Variants in EYS observed in about 807,000 individuals in gnomAD.
The protein encoded by EYS is protein eyes shut homolog.
A neutral mutation model predicts 282.1 loss-of-function variants in EYS; 250 were observed. The observed-to-expected ratio is 0.89, with a 90% CI of 0.80 to 0.98. The LOEUF is 0.98. Among genes scored for constraint, EYS ranks in the 50% least tolerant of loss-of-function variants. The probability of loss-of-function intolerance (pLI) is 0.00; values close to 1 mark genes in which losing one functional copy is unlikely to be tolerated. For synonymous variants in EYS, 1,355 were observed against 1,282.9 expected (o/e 1.06, Z -1.20); for missense variants, 4,016 against 3,709.0 (o/e 1.08, Z -2.15).
At chr6:65,023,798 A>G (rs60397706) in intron 13 of EYS, among the ~76,000 whole-genome samples, 1,820 of 152,334 alleles carry the variant, frequency 0.012, 39 homozygotes, top group African/African-American at 0.041. Context: ...TAAGGTAGGA[A>G]TGGCAGTAGG....
chr6:64,304,454 A>G (rs548214862), intron 30 of EYS, among the ~76,000 whole-genome samples: 3 of 152,336 alleles, frequency 2.0e-5, no homozygotes, highest in East Asian at 3.9e-4. Context: ...ACATACACAG[A>G]ACATACTACA....
intron 22 of EYS, among the ~76,000 whole-genome samples, chr6:64,633,803 T>C (rs1340299906): frequency 1.3e-5 from 2 of 152,020 alleles, no homozygotes; most frequent in South Asian, 2.1e-4. Flanking sequence ...CCTTGACCAA[T>C]AGCCACATAA....
At position 63,953,816 on chromosome 6, in the gene EYS, C is replaced by T. The variant is rs563878489; in HGVS notation, c.7055+30567G>A. On this transcript the variant is annotated intron_variant, in intron 35 of 42. Transcript: ENST00000503581. Reference sequence around the variant, plus strand: ...CAGGGCTGTGCAATCAGAATTCTTACACAAGAGCTGGGACCATGCCCTGTA... The same window carrying T: ...CAGGGCTGTGCAATCAGAATTCTTATACAAGAGCTGGGACCATGCCCTGTA... 1.2e-4 allele frequency among the ~76,000 whole-genome samples: 19 copies of T among 152,256 alleles called. No individual in the cohort carries two copies. In the South Asian group the frequency reaches 2.3e-3, roughly 18 times the overall value.
At chr6:65,587,226 C>T (rs934872150) in intron 2 of EYS, among the ~76,000 whole-genome samples, 7 of 152,042 alleles carry the variant, frequency 4.6e-5, no homozygotes, top group African/African-American at 1.4e-4. Flanking sequence ...GCTCAACTTA[C>T]TACTTACTGG....
At chr6:65,204,954 A>T (rs1315936) in intron 12 of EYS, among the ~76,000 whole-genome samples, 9 of 124,326 alleles carry the variant, frequency 7.2e-5, no homozygotes, top group Non-Finnish European at 1.0e-4. Context: ...TATATATTCT[A>T]GAAGAATATA....
intron 7 of EYS, among the ~76,000 whole-genome samples, chr6:65,386,921 G>C (rs1478819058): frequency 1.3e-5 from 2 of 151,758 alleles, no homozygotes; most frequent in Admixed American, 1.3e-4. Context: ...AATATTTAAG[G>C]TGTCATTTTA....
chr6:64,546,452 T>G lies in EYS; in HGVS notation c.5644+43771A>C, dbSNP rs543617089. Among the ~76,000 whole-genome samples, 96 of 152,272 alleles carry G rather than the reference T, an allele frequency of 6.3e-4. 1 individual carries two copies. The highest frequency in any genetic ancestry group is 6.2e-3 in the Admixed American group (95 of 15,292). On this transcript the variant is annotated intron_variant, in intron 26 of 42. Coordinates refer to ENST00000503581, the MANE Select transcript of EYS (RefSeq NM_001142800.2). ...AACCTGGGCAATACCATTCAGGACA[T>G]AGGCATGGGCAAGGACTTCATGTCT...
chr6:64,609,434 G>A (rs1167984314), intron 24 of EYS, among the ~76,000 whole-genome samples: 2 of 152,112 alleles, frequency 1.3e-5, no homozygotes, highest in African/African-American at 4.8e-5. Flanking sequence ...CTAAATAGGG[G>A]GCTACAGTAC....
chr6:64,804,736 G>A (rs1477117365), intron 22 of EYS, among the ~76,000 whole-genome samples: 1 of 152,022 alleles, frequency 6.6e-6, no homozygotes, highest in Non-Finnish European at 1.5e-5. Context: ...TCAAAGGAAA[G>A]GAATTTGAAT....
chr6:64,575,889 G>A (rs896031703), intron 26 of EYS, among the ~76,000 whole-genome samples: 3 of 152,044 alleles, frequency 2.0e-5, no homozygotes, highest in Non-Finnish European at 2.9e-5. Context: ...GTGGCACTGT[G>A]ACAGCAATTT....
chr6:64,950,235 T>C (rs1016216927), intron 14 of EYS, among the ~76,000 whole-genome samples: 1 of 151,842 alleles, frequency 6.6e-6, no homozygotes, highest in Non-Finnish European at 1.5e-5. Context: ...CAGTAGACAT[T>C]TAAAAATATA....
chr6:65,037,965 A>T (rs1561934440), intron 13 of EYS, among the ~76,000 whole-genome samples: 1 of 151,668 alleles, frequency 6.6e-6, no homozygotes. Flanking sequence ...CCGTATTAGC[A>T]GTTCCTCCTC....
At chr6:65,372,421 G>A (rs1302661824) in intron 8 of EYS, among the ~76,000 whole-genome samples, 1 of 152,022 alleles carries the variant, frequency 6.6e-6, no homozygotes, top group Non-Finnish European at 1.5e-5. Context: ...CTGAATCATT[G>A]CAGTAAGGCA....
At chr6:64,555,270 AAGAC>A (rs1470514239) in intron 26 of EYS, among the ~76,000 whole-genome samples, 1 of 151,894 alleles carries the variant, frequency 6.6e-6, no homozygotes, top group East Asian at 1.9e-4. Context: ...TAGGCACAGA[AAGAC>A]AGATATCACA....
Position 65,418,648 on chromosome 6 carries a change from T to C in EYS, c.863-13281A>G, listed in dbSNP as rs143430054. 5.6e-3 allele frequency among the ~76,000 whole-genome samples: 849 copies of C among 152,050 alleles called. 12 individuals are homozygous for C. The highest frequency in any genetic ancestry group is 0.019 in the African/African-American group (809 of 41,514). Reference sequence around the variant, plus strand: ...CAGGAGCAGGAAACCAAACACCACATGTTTTCACTTATAAGTGGGAGTTGA... The same window carrying C: ...CAGGAGCAGGAAACCAAACACCACACGTTTTCACTTATAAGTGGGAGTTGA... On this transcript the variant is annotated intron_variant, in intron 5 of 42. Coordinates refer to ENST00000503581, the MANE Select transcript of EYS (RefSeq NM_001142800.2).
At chr6:65,538,647 C>G (rs906085829) in intron 2 of EYS, among the ~76,000 whole-genome samples, 1 of 152,060 alleles carries the variant, frequency 6.6e-6, no homozygotes, top group Non-Finnish European at 1.5e-5. Flanking sequence ...TGGATAATGA[C>G]CCTTATAATA....
At chr6:65,218,767 C>A (rs180772962) in intron 12 of EYS, among the ~76,000 whole-genome samples, 10 of 151,890 alleles carry the variant, frequency 6.6e-5, no homozygotes, top group Admixed American at 6.6e-4. Context: ...GTCATATAAA[C>A]AATGAATTCT....
chr6:64,293,853 G>A (rs1768803917), intron 30 of EYS, among the ~76,000 whole-genome samples: 1 of 152,090 alleles, frequency 6.6e-6, no homozygotes, highest in Non-Finnish European at 1.5e-5. Flanking sequence ...TTACATGTGA[G>A]TGCTTCTGTA....
In EYS at chr6:63,789,177, C is replaced by T. The variant is rs1204307982; in HGVS notation, c.7459G>A (p.Val2487Met). 3.2e-6 allele frequency: 5 copies of T among 1,551,820 alleles called. No homozygotes were observed. The Admixed American group carries it at 5.9e-5, about 18-fold the overall frequency. The change falls in exon 38 of 43, where the codon GTG becomes ATG. Residue 2487 changes from valine to methionine, a missense_variant. Coordinates refer to ENST00000503581, the MANE Select transcript of EYS (RefSeq NM_001142800.2). The stretch of plus-strand genomic sequence containing the variant: ...GACCCCAGGTTATAACTATAAACCA[C>T]ACTGCCATTGAGCAGGCCCACAGCC... ...FLAVGLLNGS[V>M]VYSYNLGSGI...
Sources: allele counts gnomAD v4.1 joint callset (sites outside exome capture counted in the v4.1 genomes callset), GRCh38; gene constraint gnomAD v4.1.1; transcripts MANE v1.5; gene names NCBI Gene and HGNC (gene_info 2026-07-23, HGNC 2026-07-21).